The following BLK variants were observed in gnomAD, a reference collection of about 807,000 sequenced individuals.
The protein encoded by BLK is BLK proto-oncogene, Src family tyrosine kinase, also known as tyrosine-protein kinase Blk.
In BLK, 64 loss-of-function variants were observed where a neutral mutation model predicts 61.8. That is an observed-to-expected ratio of 1.03 (90% CI 0.85 to 1.27). The LOEUF is 1.27. Ranked by LOEUF, BLK falls within the 50% of genes most tolerant of loss-of-function variation. The pLI is 0.00. For missense variants in BLK, 853 were observed against 660.5 expected (o/e 1.29, Z -3.19); for synonymous variants, 351 against 272.0 (o/e 1.29, Z -2.86).
rs1207044149 is a variant in BLK, at chr8:11,564,442, G to T, written c.*334G>T. 1.8e-6 allele frequency: 1 copy of T among 570,444 alleles called. No homozygotes were observed. The allele number at this position is 570,444 out of a possible 1,614,324, so 35.3% of individuals were successfully genotyped here. ...AAGGCCCCCGTGCTGGGCACCCCCC[G>T]TGCTGGCCGCGTCCCCGCCTCTGCG... On this transcript the variant is annotated 3_prime_UTR_variant, in exon 13 of 13. Transcript: ENST00000259089.
intron 4 of BLK, 117 bp downstream of exon 4, chr8:11,548,242 C>CCCCCAGCCCTGG: frequency 1.2e-6 from 1 of 856,760 alleles, no homozygotes; most frequent in Non-Finnish European, 1.9e-6. Flanking sequence ...CATCGCCCTG[C>CCCCCAGCCCTGG]CCCCAGCCCT....
intron 1 of BLK, among the ~76,000 whole-genome samples, chr8:11,541,477 A>G (rs1373904796): frequency 6.6e-6 from 1 of 151,466 alleles, no homozygotes; most frequent in Non-Finnish European, 1.5e-5. Context: ...GCCAGCCGCA[A>G]TACAAACCCA....
At chr8:11,496,298 C>A (rs1268201293) in intron 1 of BLK, among the ~76,000 whole-genome samples, 1 of 152,140 alleles carries the variant, frequency 6.6e-6, no homozygotes, top group Non-Finnish European at 1.5e-5. Flanking sequence ...AGTGCAGTGG[C>A]AAGAGATCAT....
chr8:11,500,944 C>T (rs1049416273), intron 1 of BLK, among the ~76,000 whole-genome samples: 1 of 152,076 alleles, frequency 6.6e-6, no homozygotes, highest in Non-Finnish European at 1.5e-5. Flanking sequence ...CGTGGTGGCT[C>T]ACACCTGTAA....
chr8:11,528,032 A>G (rs1799736390), intron 1 of BLK, among the ~76,000 whole-genome samples: 1 of 152,046 alleles, frequency 6.6e-6, no homozygotes, highest in African/African-American at 2.4e-5. Context: ...GGGAGGGACT[A>G]TTATCATCCT....
intron 6 of BLK, chr8:11,553,260 C>G (rs1245620709): frequency 8.5e-6 from 2 of 235,946 alleles, no homozygotes; most frequent in Non-Finnish European, 1.7e-5. Flanking sequence ...TTACTGGTGT[C>G]TATGTGAGGA....
chr8:11,555,509 A>G (rs1301417364), intron 8 of BLK, 25 bp downstream of exon 8: 3 of 1,613,580 alleles, frequency 1.9e-6, no homozygotes, highest in Non-Finnish European at 2.5e-6. Context: ...ACGTGGGAGC[A>G]TTTCTCCCCC....
intron 1 of BLK, among the ~76,000 whole-genome samples, chr8:11,508,321 G>A (rs1388309540): frequency 4.6e-5 from 7 of 152,322 alleles, no homozygotes; most frequent in East Asian, 3.9e-4. Flanking sequence ...AGCCAAGAAC[G>A]GGTGAGCTCA....
chr8:11,522,210 T>A (rs1235768123), intron 1 of BLK, among the ~76,000 whole-genome samples: 6 of 152,288 alleles, frequency 3.9e-5, no homozygotes, highest in African/African-American at 1.4e-4. Flanking sequence ...TACATTTTTC[T>A]AAATGGTCAA....
chr8:11,520,760 A>G (rs944081626), intron 1 of BLK, among the ~76,000 whole-genome samples: 2 of 152,220 alleles, frequency 1.3e-5, no homozygotes, highest in African/African-American at 4.8e-5. Context: ...GAAAAAAGGC[A>G]TAACAGATGA....
intron 1 of BLK, among the ~76,000 whole-genome samples, chr8:11,496,343 G>A (rs746806418): frequency 8.5e-5 from 13 of 152,110 alleles, no homozygotes; most frequent in Middle Eastern, 3.2e-3. Context: ...GGGCTCAAGC[G>A]ATCCTCCCAA....
intron 10 of BLK, chr8:11,559,728 C>T (rs1801398968): frequency 2.2e-6 from 1 of 456,156 alleles, no homozygotes; most frequent in Admixed American, 2.3e-5. Flanking sequence ...TTCCCATGCC[C>T]CATGCCTCGC....
chr8:11,508,306 T>C (rs1354009976), intron 1 of BLK, among the ~76,000 whole-genome samples: 1 of 152,084 alleles, frequency 6.6e-6, no homozygotes, highest in Non-Finnish European at 1.5e-5. Flanking sequence ...TGGGGGTAGA[T>C]CAAGAGCCAA....
At chr8:11,545,920 A>C in intron 2 of BLK, 132 bp from the exon 3 acceptor site, 1 of 936,132 alleles carries the variant, frequency 1.1e-6, no homozygotes, top group Non-Finnish European at 1.8e-6. Flanking sequence ...AGCAGCCCCC[A>C]CAGGCAGCTG....
rs545073755 is a variant in BLK at position 11,545,337 on chromosome 8, C to G, written c.124-715C>G. On this transcript the variant is annotated intron_variant, in intron 2 of 12. Transcript: ENST00000259089. ...GCCGAGGTGGGAGGATCACTTGAGGCCAGGAGTTCAAGATCAGCCTGGCCA... is the reference window on the plus strand; with the variant it reads ...GCCGAGGTGGGAGGATCACTTGAGGGCAGGAGTTCAAGATCAGCCTGGCCA... Among the ~76,000 whole-genome samples the G allele has an allele frequency of 3.3e-5, 5 of 152,216 alleles. No individual in the cohort carries two copies. The South Asian group carries it at 1.0e-3, about 32-fold the overall frequency.
chr8:11,516,780 T>G (rs1368521442), intron 1 of BLK, among the ~76,000 whole-genome samples: 1 of 152,240 alleles, frequency 6.6e-6, no homozygotes, highest in African/African-American at 2.4e-5. Context: ...TTTGTAAGAC[T>G]GGATTCCATT....
At chr8:11,518,516 C>A (rs961790768) in intron 1 of BLK, among the ~76,000 whole-genome samples, 47 of 152,182 alleles carry the variant, frequency 3.1e-4, no homozygotes, top group African/African-American at 1.1e-3. Flanking sequence ...CACGCTGTTG[C>A]TGGCATCTCA....
chr8:11,515,079 A>C (rs1799170080), intron 1 of BLK, among the ~76,000 whole-genome samples: 1 of 152,114 alleles, frequency 6.6e-6, no homozygotes, highest in Non-Finnish European at 1.5e-5. Context: ...GCCAGCAGTC[A>C]CTGCAAACGC....
chr8:11,503,165 C>T (rs1798632688), intron 1 of BLK, among the ~76,000 whole-genome samples: 2 of 152,168 alleles, frequency 1.3e-5, no homozygotes, highest in Non-Finnish European at 2.9e-5. Flanking sequence ...TGTTCAAGTG[C>T]AGAGAATGTT....
Sources: gnomAD v4.1 joint callset for allele counts (sites outside exome capture counted in the v4.1 genomes callset) on GRCh38, gnomAD v4.1.1 for gene constraint, MANE v1.5 for transcripts, NCBI Gene and HGNC (gene_info 2026-07-23, HGNC 2026-07-21) for gene names.